The following CCNY variants were observed in gnomAD, a reference collection of about 807,000 sequenced individuals.
CCNY encodes the protein cyclin-Y.
CCNY carries 19 observed loss-of-function variants against 42.8 expected under a neutral mutation model. The observed-to-expected ratio is 0.44, with a 90% CI of 0.31 to 0.65. CCNY has a LOEUF of 0.65. Among genes scored for constraint, CCNY ranks in the 30% least tolerant of loss-of-function variants. The pLI is 0.07. For missense variants in CCNY, 370 were observed against 437.3 expected (o/e 0.85, Z 1.37); for synonymous variants, 165 against 162.7 (o/e 1.01, Z -0.11).
At chr10:35,431,129 A>T (rs1358723050) in intron 1 of CCNY, among the ~76,000 whole-genome samples, 1 of 151,956 alleles carries the variant, frequency 6.6e-6, no homozygotes, top group Admixed American at 6.6e-5. Flanking sequence ...AAAAAAAAAA[A>T]ATTAATACTT....
intron 2 of CCNY, among the ~76,000 whole-genome samples, chr10:35,493,602 G>C (rs1001961815): frequency 1.3e-5 from 2 of 152,182 alleles, no homozygotes; most frequent in Non-Finnish European, 2.9e-5. Context: ...TTAATGCCTT[G>C]GAATGATTGC....
At chr10:35,478,701 G>C (rs1039235069) in intron 1 of CCNY, among the ~76,000 whole-genome samples, 1 of 152,148 alleles carries the variant, frequency 6.6e-6, no homozygotes, top group Non-Finnish European at 1.5e-5. Flanking sequence ...AGAAAACCTA[G>C]GCAATACCAT....
chr10:35,516,338 G>T (rs1840425213), intron 3 of CCNY, among the ~76,000 whole-genome samples, 185 bp from the exon 4 acceptor site: 1 of 152,010 alleles, frequency 6.6e-6, no homozygotes, highest in African/African-American at 2.4e-5. Flanking sequence ...TTTTATATAT[G>T]GAAGAGCAAG....
At chr10:35,328,691 T>C (rs1835906369) in intron 3 of CCNY, among the ~76,000 whole-genome samples, 1 of 149,488 alleles carries the variant, frequency 6.7e-6, no homozygotes, top group Non-Finnish European at 1.5e-5. Flanking sequence ...AATGTGGAAC[T>C]TGGAAAAGAA....
chr10:35,442,770 A>G (rs1838701208), intron 1 of CCNY, among the ~76,000 whole-genome samples: 1 of 152,212 alleles, frequency 6.6e-6, no homozygotes, highest in Non-Finnish European at 1.5e-5. Flanking sequence ...CCTTTATTTC[A>G]TATACAGTCG....
intron 1 of CCNY, among the ~76,000 whole-genome samples, chr10:35,431,341 C>T (rs1436956029): frequency 1.7e-5 from 1 of 57,688 alleles, no homozygotes; most frequent in Non-Finnish European, 3.3e-5. Context: ...TTCCCCTCCT[C>T]CCCCCACATC....
chr10:35,260,174 A>G (rs2095718545), intron 3 of CCNY, among the ~76,000 whole-genome samples: 1 of 151,784 alleles, frequency 6.6e-6, no homozygotes. Context: ...GTATCATGCT[A>G]CCTCATCCTT....
chr10:35,408,781 C>T (rs1022438244), intron 1 of CCNY, among the ~76,000 whole-genome samples: 6 of 151,974 alleles, frequency 3.9e-5, no homozygotes, highest in Admixed American at 3.9e-4. Flanking sequence ...GGAAAGTTAT[C>T]AGAAGAGAAA....
intron 1 of CCNY, among the ~76,000 whole-genome samples, chr10:35,447,931 A>G (rs1838828193): frequency 6.6e-6 from 1 of 152,194 alleles, no homozygotes; most frequent in Admixed American, 6.5e-5. Flanking sequence ...ATTTCCCGTG[A>G]TGAAGGTGTT....
At chr10:35,386,670 AT>A (rs1217845992) in intron 1 of CCNY, among the ~76,000 whole-genome samples, 1 of 152,136 alleles carries the variant, frequency 6.6e-6, no homozygotes, top group Non-Finnish European at 1.5e-5. Context: ...GCCTTCCAAT[AT>A]TGACCGAGTT....
chr10:35,497,015 A>G (rs963856866), intron 2 of CCNY, among the ~76,000 whole-genome samples: 5 of 152,210 alleles, frequency 3.3e-5, no homozygotes, highest in Non-Finnish European at 2.9e-5. Flanking sequence ...TTTTCTGTTT[A>G]CATCTTTATG....
chr10:35,342,381 ATG>A (rs1269858391), intron 1 of CCNY, among the ~76,000 whole-genome samples: 1 of 152,230 alleles, frequency 6.6e-6, no homozygotes, highest in Non-Finnish European at 1.5e-5. Flanking sequence ...TCTGCAAGGT[ATG>A]TGGAGACACC....
chr10:35,369,884 T>G (rs1836890602), intron 1 of CCNY, among the ~76,000 whole-genome samples: 1 of 152,230 alleles, frequency 6.6e-6, no homozygotes, highest in African/African-American at 2.4e-5. Context: ...CTCCAAATTT[T>G]GTAAACCACT....
intron 3 of CCNY, among the ~76,000 whole-genome samples, chr10:35,300,161 A>T (rs920633352): frequency 2.0e-5 from 3 of 152,140 alleles, no homozygotes; most frequent in Non-Finnish European, 4.4e-5. Flanking sequence ...TGAGCCAAAG[A>T]TGTAAGAGGG....
intron 2 of CCNY, among the ~76,000 whole-genome samples, chr10:35,494,642 A>G (rs1839971440): frequency 6.6e-6 from 1 of 152,250 alleles, no homozygotes; most frequent in Non-Finnish European, 1.5e-5. Flanking sequence ...TGATGGAAAT[A>G]TCACAATCTA....
intron 1 of CCNY, among the ~76,000 whole-genome samples, chr10:35,479,572 C>G (rs1400389790): frequency 6.8e-4 from 84 of 124,200 alleles, no homozygotes; most frequent in Admixed American, 1.7e-3. Context: ...CACATGGACA[C>G]AGGAAGGGGA....
At chr10:35,253,767 T>C (rs1194295940) in intron 3 of CCNY, among the ~76,000 whole-genome samples, 1 of 152,096 alleles carries the variant, frequency 6.6e-6, no homozygotes, top group African/African-American at 2.4e-5. Flanking sequence ...GTGTTGGAAA[T>C]ACCTGTTGAG....
chr10:35,551,171 G>A (rs569449425), intron 7 of CCNY, among the ~76,000 whole-genome samples: 2 of 152,168 alleles, frequency 1.3e-5, no homozygotes, highest in East Asian at 1.9e-4. Context: ...TTGTGCATTC[G>A]CATCCCGTAA....
At chr10:35,337,663 G>C (rs1462526847) in intron 1 of CCNY, among the ~76,000 whole-genome samples, 1 of 152,182 alleles carries the variant, frequency 6.6e-6, no homozygotes, top group Admixed American at 6.5e-5. Context: ...CCTCGAGTTG[G>C]AGAACCATGT....
Sources: allele counts gnomAD v4.1 joint callset (sites outside exome capture counted in the v4.1 genomes callset), GRCh38; gene constraint gnomAD v4.1.1; transcripts MANE v1.5; gene names NCBI Gene and HGNC (gene_info 2026-07-23, HGNC 2026-07-21).